PTBP3: variants seen among roughly 807,000 people sequenced by gnomAD.
The protein encoded by PTBP3 is polypyrimidine tract binding protein 3, also known as polypyrimidine tract-binding protein 3.
In PTBP3, 20 loss-of-function variants were observed where a neutral mutation model predicts 58.7. The observed-to-expected ratio is 0.34, with a 90% CI of 0.24 to 0.50. The LOEUF (loss-of-function observed/expected upper bound fraction) is 0.50, where lower values mean the gene tolerates loss of function less well. Among genes scored for constraint, PTBP3 ranks in the 20% least tolerant of loss-of-function variants. The probability of loss-of-function intolerance (pLI) is 0.98; values close to 1 mark genes in which losing one functional copy is unlikely to be tolerated. For synonymous variants in PTBP3, 185 were observed against 219.8 expected (o/e 0.84, Z 1.40); for missense variants, 509 against 637.2 (o/e 0.80, Z 2.17).
chr9:112,304,294 T>G (rs1036594672), intron 1 of PTBP3, among the ~76,000 whole-genome samples: 1 of 152,218 alleles, frequency 6.6e-6, no homozygotes, highest in African/African-American at 2.4e-5. Flanking sequence ...TATCTGCCTA[T>G]GCATTTGAAT....
At chr9:112,274,859 A>G (rs2094684901) in intron 3 of PTBP3, among the ~76,000 whole-genome samples, 1 of 152,196 alleles carries the variant, frequency 6.6e-6, no homozygotes, top group Admixed American at 6.5e-5. Flanking sequence ...CCAATCAGAA[A>G]GAGCGTGGCC....
chr9:112,274,108 C>T (rs906089430), intron 3 of PTBP3, among the ~76,000 whole-genome samples: 9 of 152,238 alleles, frequency 5.9e-5, no homozygotes, highest in East Asian at 1.9e-4. Context: ...CAGGGATGCA[C>T]GGTCTCCAAA....
At chr9:112,363,200 CAG>C in the PTBP3 span, 7 of 153,508 alleles carry the variant, frequency 4.6e-5, no homozygotes, top group African/African-American at 9.7e-5. Context: ...GAGATGGAGT[CAG>C]GGGGTGGGTC....
At chr9:112,330,604 G>C (rs762127976) in intron 1 of PTBP3, 1 of 605,680 alleles carries the variant, frequency 1.7e-6, no homozygotes, top group Non-Finnish European at 2.8e-6. Flanking sequence ...AATGTGATGA[G>C]TTGTGAAATA....
chr9:112,340,969 A>G, the PTBP3 span, among the ~76,000 whole-genome samples: 6 of 152,084 alleles, frequency 3.9e-5, no homozygotes, highest in Admixed American at 3.9e-4. Context: ...ATTTTGTCTA[A>G]TGTTTTCTTC....
At chr9:112,254,129 TACACC>T (rs1564408221) in intron 5 of PTBP3, among the ~76,000 whole-genome samples, 1 of 152,096 alleles carries the variant, frequency 6.6e-6, no homozygotes, top group Non-Finnish European at 1.5e-5. Context: ...TAGCTGGGAC[TACACC>T]ACATCTGGCT....
the PTBP3 span, among the ~76,000 whole-genome samples, chr9:112,367,051 C>A: frequency 0.012 from 1,822 of 152,320 alleles, 21 homozygotes; most frequent in Non-Finnish European, 0.018. Flanking sequence ...ATGAGCCTAA[C>A]ATAAAATATC....
At chr9:112,355,646 A>C in the PTBP3 span, among the ~76,000 whole-genome samples, 116 of 78,180 alleles carry the variant, frequency 1.5e-3, no homozygotes, top group East Asian at 0.034. Flanking sequence ...TTTTTTGTGG[A>C]GGGTGGGTGT....
chr9:112,231,261 T>C, intron 10 of PTBP3, 119 bp downstream of exon 10: 2 of 688,394 alleles, frequency 2.9e-6, no homozygotes, highest in South Asian at 2.7e-5. Flanking sequence ...TTCACTGTTT[T>C]ATCCTCAGTG....
the PTBP3 span, among the ~76,000 whole-genome samples, chr9:112,344,833 A>C: frequency 6.6e-6 from 1 of 152,174 alleles, no homozygotes; most frequent in East Asian, 1.9e-4. Flanking sequence ...CAATTAGATA[A>C]TATTATTTAA....
At chr9:112,234,744 T>C in intron 8 of PTBP3, 76 bp downstream of exon 8, 1 of 1,349,850 alleles carries the variant, frequency 7.4e-7, no homozygotes, top group Non-Finnish European at 1.0e-6. Context: ...TATGATAACA[T>C]TCTTCATCTT....
At chr9:112,233,944 A>AAAAG (rs1835348940) in intron 8 of PTBP3, among the ~76,000 whole-genome samples, 1 of 151,688 alleles carries the variant, frequency 6.6e-6, no homozygotes, top group South Asian at 2.1e-4. Flanking sequence ...AACAACAACA[A>AAAAG]AAAAAAGAGA....
At chr9:112,369,239 C>G in the PTBP3 span, among the ~76,000 whole-genome samples, 36 of 152,324 alleles carry the variant, frequency 2.4e-4, no homozygotes, top group African/African-American at 7.9e-4. Context: ...AGAAGAGGGC[C>G]ACCATCCTCC....
chr9:112,282,297 T>C (rs936633779), intron 2 of PTBP3, among the ~76,000 whole-genome samples: 2 of 152,226 alleles, frequency 1.3e-5, no homozygotes, highest in Non-Finnish European at 2.9e-5. Flanking sequence ...GAGGTATTAT[T>C]ACTAATTTTA....
At chr9:112,373,522 G>A in the PTBP3 span, among the ~76,000 whole-genome samples, 2 of 151,888 alleles carry the variant, frequency 1.3e-5, no homozygotes, top group African/African-American at 4.8e-5. Context: ...GACACACCGA[G>A]GATCAATACT....
chr9:112,348,245 G>A, the PTBP3 span, among the ~76,000 whole-genome samples: 4 of 152,224 alleles, frequency 2.6e-5, no homozygotes, highest in African/African-American at 7.2e-5. Flanking sequence ...TGGTCAGGCA[G>A]TTGGTAAATT....
the PTBP3 span, among the ~76,000 whole-genome samples, chr9:112,350,561 T>C: frequency 1.3e-5 from 2 of 152,158 alleles, no homozygotes; most frequent in African/African-American, 4.8e-5. Context: ...ATAAAAATCA[T>C]TAATTGTTAC....
chr9:112,242,182 C>T (rs1186116933), intron 7 of PTBP3, among the ~76,000 whole-genome samples: 1 of 152,004 alleles, frequency 6.6e-6, no homozygotes, highest in Non-Finnish European at 1.5e-5. Flanking sequence ...AAATGGAGTA[C>T]AGCAGCTATT....
chr9:112,306,995 AT>A (rs1332988242), intron 1 of PTBP3, among the ~76,000 whole-genome samples: 2 of 152,206 alleles, frequency 1.3e-5, no homozygotes, highest in Non-Finnish European at 2.9e-5. Context: ...AAACAATTAC[AT>A]TTGATAATTC....
Sources: allele counts gnomAD v4.1 joint callset (sites outside exome capture counted in the v4.1 genomes callset), GRCh38; gene constraint gnomAD v4.1.1; transcripts MANE v1.5; gene names NCBI Gene and HGNC (gene_info 2026-07-23, HGNC 2026-07-21).